The following ZFHX3 variants were observed in gnomAD, a reference collection of about 807,000 sequenced individuals.
The protein encoded by ZFHX3 is zinc finger homeobox 3.
In ZFHX3, 42 loss-of-function variants were observed where a neutral mutation model predicts 279.1. The observed-to-expected ratio is 0.15, with a 90% CI of 0.12 to 0.19. The LOEUF (loss-of-function observed/expected upper bound fraction) is 0.19, where lower values mean the gene tolerates loss of function less well. ZFHX3 is among the 10% of genes least tolerant of loss of function. The probability of loss-of-function intolerance (pLI) is 1.00; values close to 1 mark genes in which losing one functional copy is unlikely to be tolerated. For synonymous variants in ZFHX3, 2,293 were observed against 1,957.8 expected (o/e 1.17, Z -4.52); for missense variants, 4,981 against 4,754.0 (o/e 1.05, Z -1.40).
At chr16:73,563,750 T>C (rs929271351) in intron 2 of ZFHX3, among the ~76,000 whole-genome samples, 1 of 152,208 alleles carries the variant, frequency 6.6e-6, no homozygotes, top group African/African-American at 2.4e-5. Flanking sequence ...GAACAGGTTA[T>C]GCTCCTAGCC....
chr16:72,861,476 G>A (rs1008041159), intron 4 of ZFHX3, among the ~76,000 whole-genome samples: 5 of 152,032 alleles, frequency 3.3e-5, no homozygotes, highest in African/African-American at 1.2e-4. Flanking sequence ...CCCCATCCAC[G>A]TGCACATTTC....
intron 2 of ZFHX3, among the ~76,000 whole-genome samples, chr16:73,598,001 G>T (rs920393137): frequency 2.6e-5 from 4 of 152,136 alleles, no homozygotes; most frequent in African/African-American, 9.7e-5. Context: ...AGGGATTTGG[G>T]ATGGTCAGTA....
chr16:73,804,129 C>A (rs891038900), intron 1 of ZFHX3, among the ~76,000 whole-genome samples: 1 of 152,180 alleles, frequency 6.6e-6, no homozygotes, highest in East Asian at 1.9e-4. Flanking sequence ...TGCACTCCAG[C>A]TTGGATGCCA....
chr16:73,740,872 C>G (rs1373242053), intron 1 of ZFHX3, among the ~76,000 whole-genome samples: 1 of 152,116 alleles, frequency 6.6e-6, no homozygotes, highest in Non-Finnish European at 1.5e-5. Flanking sequence ...AAGAAAGAAG[C>G]CTTCACTTGA....
At chr16:73,691,910 G>A (rs1411168966) in intron 1 of ZFHX3, among the ~76,000 whole-genome samples, 9 of 152,170 alleles carry the variant, frequency 5.9e-5, no homozygotes, top group South Asian at 4.1e-4. Flanking sequence ...CTGAAGAGCT[G>A]GGGGACATCA....
At chr16:73,365,374 G>T (rs2016512618) in intron 3 of ZFHX3, among the ~76,000 whole-genome samples, 1 of 152,220 alleles carries the variant, frequency 6.6e-6, no homozygotes, top group Admixed American at 6.5e-5. Flanking sequence ...TATTTATTGA[G>T]TGTCTACTAT....
At chr16:73,675,387 A>G (rs1034046136) in intron 2 of ZFHX3, among the ~76,000 whole-genome samples, 6 of 152,108 alleles carry the variant, frequency 3.9e-5, no homozygotes, top group South Asian at 4.1e-4. Context: ...GTGAAGAAAG[A>G]CACATATAAA....
chr16:73,432,694 C>T (rs2017929792), intron 3 of ZFHX3, among the ~76,000 whole-genome samples: 1 of 152,196 alleles, frequency 6.6e-6, no homozygotes, highest in Admixed American at 6.5e-5. Flanking sequence ...CCCACTGCTG[C>T]ACCCACAGCA....
intron 1 of ZFHX3, among the ~76,000 whole-genome samples, chr16:73,845,614 A>G (rs990434166): frequency 1.3e-5 from 2 of 151,834 alleles, no homozygotes; most frequent in East Asian, 1.9e-4. Flanking sequence ...CAGCAGATCT[A>G]TTTACTCTCT....
intron 2 of ZFHX3, among the ~76,000 whole-genome samples, chr16:73,631,927 TCACACACACACACACACA>T (rs60955432): frequency 7.3e-6 from 1 of 136,728 alleles, no homozygotes; most frequent in East Asian, 2.1e-4. Context: ...TCTCTCTCTC[TCACACACACACACACACA>T]CACACACACA....
At chr16:73,078,647 G>T (rs1034448476) in intron 8 of ZFHX3, among the ~76,000 whole-genome samples, 4 of 151,252 alleles carry the variant, frequency 2.6e-5, no homozygotes, top group African/African-American at 7.3e-5. Context: ...GGCCACTAAA[G>T]AACTTTTTTT....
chr16:72,796,759 C>G lies in ZFHX3; in HGVS notation c.5923G>C (p.Asp1975His). 2 of 1,613,692 alleles carry G rather than the reference C, an allele frequency of 1.2e-6. No homozygotes were observed. The highest frequency in any genetic ancestry group is 1.7e-6 in the Non-Finnish European group (2 of 1,179,958). Residue 1975 changes from aspartate (D) to histidine (H), a missense_variant, in exon 9 of 10, where the codon GAC becomes CAC. This residue lies in a region of ZFHX3 where 1,751 missense variants were observed against 1,770.0 expected (regional missense o/e 0.99). Transcript: ENST00000268489. ...QKVQKKNGKT[D>H]QGENLEKLEC... ...AGCTTTTCCAGGTTCTCTCCCTGGT[C>G]AGTCTTCCCATTCTTTTTCTGCACC...
At chr16:73,507,834 A>G (rs1471332377) in intron 2 of ZFHX3, among the ~76,000 whole-genome samples, 1 of 152,038 alleles carries the variant, frequency 6.6e-6, no homozygotes, top group Admixed American at 6.5e-5. Context: ...TTACAGACAA[A>G]CTTTTAACCT....
At chr16:73,198,126 G>T (rs1181989632) in intron 5 of ZFHX3, among the ~76,000 whole-genome samples, 1 of 151,288 alleles carries the variant, frequency 6.6e-6, no homozygotes, top group African/African-American at 2.4e-5. Context: ...TTTAGTAGAG[G>T]TGGGGTTTCA....
At chr16:73,294,595 G>A (rs1360154747) in intron 4 of ZFHX3, among the ~76,000 whole-genome samples, 1 of 151,850 alleles carries the variant, frequency 6.6e-6, no homozygotes, top group African/African-American at 2.4e-5. Context: ...CAGATCACCT[G>A]AGGTCAGGAG....
Position 73,718,505 on chromosome 16 carries a change from A to C in ZFHX3, c.-1607-38265T>G, listed in dbSNP as rs1456088832. ...GACATTTGCAAAGGGACAAATTTAG[A>C]GGGACTAAAATCTAGCTGAGGGTAG... On this transcript the variant is annotated intron_variant, in intron 1 of 17. Transcript: ENST00000641206. 2.0e-5 allele frequency among the ~76,000 whole-genome samples: 3 copies of C among 152,322 alleles called. No homozygotes were observed. In the East Asian group the frequency reaches 5.8e-4, roughly 29 times the overall value.
At chr16:73,019,391 C>G (rs1166582939) in intron 1 of ZFHX3, among the ~76,000 whole-genome samples, 3 of 151,880 alleles carry the variant, frequency 2.0e-5, no homozygotes, top group African/African-American at 4.9e-5. Context: ...CGTGTCTGCA[C>G]GCGCACCTGA....
At chr16:73,874,304 A>G (rs1410140448) in intron 1 of ZFHX3, among the ~76,000 whole-genome samples, 2 of 152,208 alleles carry the variant, frequency 1.3e-5, no homozygotes, top group Admixed American at 1.3e-4. Flanking sequence ...ACTGTAAGAA[A>G]AAAAATTATA....
chr16:73,415,972 T>C (rs572892625), intron 3 of ZFHX3, among the ~76,000 whole-genome samples: 65 of 151,814 alleles, frequency 4.3e-4, no homozygotes, highest in African/African-American at 1.4e-3. Flanking sequence ...ATACAAAAAT[T>C]AGCTGAGTGA....
Sources: gnomAD v4.1 joint callset for allele counts (sites outside exome capture counted in the v4.1 genomes callset) on GRCh38, gnomAD v4.1.1 for gene constraint, gnomAD v4.1.1 regional missense constraint, MANE v1.5 for transcripts, NCBI Gene and HGNC (gene_info 2026-07-23, HGNC 2026-07-21) for gene names.